AARS1: variants seen among roughly 807,000 people sequenced by gnomAD.
The protein encoded by AARS1 is alanine--tRNA ligase, cytoplasmic.
In AARS1, 72 loss-of-function variants were observed where a neutral mutation model predicts 108.9. The observed-to-expected ratio is 0.66, with a 90% CI of 0.55 to 0.80. The LOEUF (loss-of-function observed/expected upper bound fraction) is 0.80, where lower values mean the gene tolerates loss of function less well. Among genes scored for constraint, AARS1 ranks in the 30% least tolerant of loss-of-function variants. AARS1 has a pLI of 0.00. For missense variants in AARS1, 1,193 were observed against 1,233.2 expected (o/e 0.97, Z 0.49); for synonymous variants, 489 against 465.7 (o/e 1.05, Z -0.64).
chr16:70,260,604 A>ACC (rs1216123176), intron 13 of AARS1, among the ~76,000 whole-genome samples: 2 of 152,096 alleles, frequency 1.3e-5, no homozygotes, highest in Non-Finnish European at 2.9e-5. Context: ...CTCACAATCC[A>ACC]CCAAATGCAC....
chr16:70,274,582 G>C (rs1241185802), intron 4 of AARS1, among the ~76,000 whole-genome samples: 1 of 151,778 alleles, frequency 6.6e-6, no homozygotes, highest in Non-Finnish European at 1.5e-5. Flanking sequence ...AAATTAGCCA[G>C]GCGTGGTAGT....
At chr16:70,271,657 G>A (rs1321838438) in intron 5 of AARS1, 124 bp downstream of exon 5, 1 of 983,764 alleles carries the variant, frequency 1.0e-6, no homozygotes. Flanking sequence ...TTGTTCCAGA[G>A]ATCAGACAGG....
chr16:70,277,283 C>T (rs1960573805), intron 2 of AARS1, 129 bp from the exon 3 acceptor site: 27 of 1,032,364 alleles, frequency 2.6e-5, no homozygotes, highest in Non-Finnish European at 3.9e-5. Flanking sequence ...AATATAGACA[C>T]TTGTCAGAAC....
chr16:70,262,307 T>C (rs1429120513), intron 12 of AARS1, 39 bp downstream of exon 12: 2 of 1,613,602 alleles, frequency 1.2e-6, no homozygotes, highest in Non-Finnish European at 1.7e-6. Context: ...GCTCCACGCC[T>C]GGCCCTCCTC....
intron 1 of AARS1, among the ~76,000 whole-genome samples, chr16:70,283,756 A>G (rs1355400402): frequency 2.6e-5 from 4 of 152,136 alleles, no homozygotes; most frequent in African/African-American, 9.7e-5. Context: ...ACCTACCTCT[A>G]TGTAGCCTAC....
In AARS1 at chr16:70,263,958, T is replaced by C. The variant is rs1472961622; in HGVS notation, c.1492+1000A>G. 5.3e-5 allele frequency among the ~76,000 whole-genome samples: 8 copies of C among 152,202 alleles called. No individual in the cohort carries two copies. In the South Asian group the frequency reaches 6.2e-4, roughly 12 times the overall value. On this transcript the variant is annotated intron_variant, in intron 11 of 20. Transcript: ENST00000261772. ...GCTTTGTTTCTTAACTTTAGAATAC[T>C]ATTATCCGGTCGGGCGAGATGGCTT...
At chr16:70,253,028 C>T (rs896870875) in intron 20 of AARS1, 122 bp from the exon 21 acceptor site, 35 of 1,176,410 alleles carry the variant, frequency 3.0e-5, no homozygotes, top group Middle Eastern at 1.9e-4. Flanking sequence ...TGCTGGAGGC[C>T]GAGACAGACT....
intron 6 of AARS1, among the ~76,000 whole-genome samples, 175 bp from the exon 7 acceptor site, chr16:70,269,938 A>G (rs1960356745): frequency 6.6e-6 from 1 of 152,110 alleles, no homozygotes; most frequent in African/African-American, 2.4e-5. Context: ...GCCAGCCCCT[A>G]CACTCAAAAA....
intron 17 of AARS1, among the ~76,000 whole-genome samples, 193 bp from the exon 18 acceptor site, chr16:70,254,231 A>G (rs1051958602): frequency 6.6e-6 from 1 of 152,234 alleles, no homozygotes; most frequent in Admixed American, 6.5e-5. Context: ...AAGGAGCAGC[A>G]GAAAGCTGGG....
In AARS1 at chr16:70,268,389, G is replaced by C; in HGVS notation, c.963-10C>G. On this transcript the variant is annotated splice_polypyrimidine_tract_variant and intron_variant, in intron 7 of 20. Transcript: ENST00000261772. ...CCGTCTCAACACATATCTGTAAGAG[G>C]CAAAAACTAGTCCCCAACGTTCCCA... 1 of 1,612,364 alleles carries C rather than the reference G, an allele frequency of 6.2e-7. No homozygotes were observed. The highest frequency in any genetic ancestry group is 8.5e-7 in the Non-Finnish European group (1 of 1,178,506).
Position 70,252,356 on chromosome 16 carries a change from T to C in AARS1, c.*365A>G, listed in dbSNP as rs767146627. 6 of 359,068 alleles carry C rather than the reference T, an allele frequency of 1.7e-5. No individual in the cohort carries two copies. Among genetic ancestry groups the C allele is most frequent in the Admixed American group, 1.3e-4 (3 of 22,764 alleles). 22.2% of individuals were successfully genotyped at this position (359,068 alleles called of 1,614,324 possible). ...AGGCTGTCAAAAGAGCCAGCCCCTA[T>C]TGGGAAGAGGGATAGAGATCATGCG... On this transcript the variant is annotated 3_prime_UTR_variant, in exon 21 of 21. Transcript: ENST00000261772.
intron 9 of AARS1, among the ~76,000 whole-genome samples, 169 bp from the exon 10 acceptor site, chr16:70,265,831 G>C (rs1960249648): frequency 6.6e-6 from 1 of 152,300 alleles, no homozygotes; most frequent in South Asian, 2.1e-4. Context: ...GTTAACCTGG[G>C]GGAAGCACAA....
At chr16:70,278,418 A>T (rs1216044283) in intron 2 of AARS1, among the ~76,000 whole-genome samples, 1 of 151,934 alleles carries the variant, frequency 6.6e-6, no homozygotes, top group Non-Finnish European at 1.5e-5. Context: ...ATGCAAAATT[A>T]GCCAGCCATG....
chr16:70,269,307 C>A (rs1597441574), intron 7 of AARS1, among the ~76,000 whole-genome samples: 3 of 81,658 alleles, frequency 3.7e-5, no homozygotes, highest in South Asian at 4.6e-4. Context: ...GCAACAAAAG[C>A]AAAATTCTGT....
intron 17 of AARS1, chr16:70,254,376 C>A (rs1431519338): frequency 3.4e-6 from 2 of 588,552 alleles, no homozygotes; most frequent in Non-Finnish European, 6.1e-6. Flanking sequence ...AATCCCTCCA[C>A]CCCAGTGCCC....
intron 2 of AARS1, 42 bp from the exon 3 acceptor site, chr16:70,277,196 G>C (rs762465470): frequency 6.9e-6 from 11 of 1,587,002 alleles, no homozygotes; most frequent in Non-Finnish European, 9.5e-6. Context: ...AAGGGTGCAA[G>C]TGATGTCAGG....
chr16:70,259,299 A>G, intron 13 of AARS1, 113 bp from the exon 14 acceptor site: 1 of 1,131,656 alleles, frequency 8.8e-7, no homozygotes, highest in Non-Finnish European at 1.3e-6. Flanking sequence ...GCTGTGCAGA[A>G]TAAAGGTTAC....
chr16:70,269,704 G>C lies in AARS1; in HGVS notation c.876C>G (p.Asp292Glu). The stretch of plus-strand genomic sequence containing the variant: ...GGTCAGCCAGCACCCGGTAGGCCAT[G>C]TCAATCCCATCGGCATCCTCAGCAC... The part of the protein sequence containing the change: ...KVGAEDADGI[D>E]MAYRVLADHA... Residue 292 changes from aspartate (D) to glutamate (E), a missense_variant, in exon 7 of 21, where the codon GAC (aspartate) becomes GAG (glutamate). Transcript: ENST00000261772. 6.2e-7 allele frequency: 1 copy of C among 1,614,166 alleles called. No homozygotes were observed. The highest frequency in any genetic ancestry group is 8.5e-7 in the Non-Finnish European group (1 of 1,180,024).
chr16:70,277,424 C>A (rs1960576678), intron 2 of AARS1, among the ~76,000 whole-genome samples: 1 of 152,310 alleles, frequency 6.6e-6, no homozygotes, highest in Admixed American at 6.5e-5. Context: ...CCAGATCTAA[C>A]AGCCACAGGT....
Sources: gnomAD v4.1 joint callset for allele counts (sites outside exome capture counted in the v4.1 genomes callset) on GRCh38, gnomAD v4.1.1 for gene constraint, MANE v1.5 for transcripts, NCBI Gene and HGNC (gene_info 2026-07-23, HGNC 2026-07-21) for gene names.